The following SIM2 variants were observed in gnomAD, a reference collection of about 807,000 sequenced individuals.
SIM2 encodes the protein SIM bHLH transcription factor 2, also known as single-minded homolog 2.
SIM2 carries 28 observed loss-of-function variants against 64.8 expected under a neutral mutation model. That is an observed-to-expected ratio of 0.43 (90% CI 0.32 to 0.59). The LOEUF (loss-of-function observed/expected upper bound fraction) is 0.59. SIM2 is among the 20% of genes least tolerant of loss of function. SIM2 has a pLI of 0.07. For synonymous variants in SIM2, 408 were observed against 391.1 expected (o/e 1.04, Z -0.51); for missense variants, 847 against 871.4 (o/e 0.97, Z 0.35).
intron 3 of SIM2, among the ~76,000 whole-genome samples, chr21:36,715,020 C>G (rs962417233): frequency 2.0e-5 from 3 of 152,192 alleles, no homozygotes; most frequent in African/African-American, 7.2e-5. Context: ...GTCTCTTTCT[C>G]TCCAGTAGAA....
intron 1 of SIM2, among the ~76,000 whole-genome samples, chr21:36,703,096 C>T (rs907208941): frequency 2.0e-5 from 3 of 152,186 alleles, no homozygotes; most frequent in African/African-American, 7.2e-5. Context: ...CACTGCGGTC[C>T]TGTGGGGCAT....
At position 36,732,102 on chromosome 21, in the gene SIM2, C is replaced by T. The variant is rs376786318; in HGVS notation, c.850+951C>T. Reference sequence around the variant, plus strand: ...TTCACCATGTTGGCCAGGCTGATCTCGAACTCCTGACCTCAGGTGATCCAT... The same window carrying T: ...TTCACCATGTTGGCCAGGCTGATCTTGAACTCCTGACCTCAGGTGATCCAT... On this transcript the variant is annotated intron_variant, in intron 7 of 10. Coordinates refer to ENST00000290399, the MANE Select transcript of SIM2 (RefSeq NM_005069.6). Among the ~76,000 whole-genome samples the T allele has an allele frequency of 3.0e-3, 455 of 152,250 alleles. 3 individuals carry two copies. Among genetic ancestry groups the T allele is most frequent in the African/African-American group, 9.8e-3 (408 of 41,532 alleles).
At chr21:36,718,194 G>T (rs565582794) in intron 3 of SIM2, among the ~76,000 whole-genome samples, 55 of 152,258 alleles carry the variant, frequency 3.6e-4, no homozygotes, top group African/African-American at 1.3e-3. Context: ...AAAGCAACTC[G>T]CTCTTCTTAA....
rs1264505886 is a variant in SIM2, at chr21:36,712,632, GC to G, written c.348+12del. The G allele has an allele frequency of 3.8e-6, 6 of 1,589,196 alleles. No homozygotes were observed. The highest frequency in any genetic ancestry group is 5.2e-6 in the Non-Finnish European group (6 of 1,161,886). On this transcript the variant is annotated intron_variant, in intron 3 of 10. Transcript: ENST00000290399. ...TTTAGGCTTATCCCAGGTGGGTATT[GC>G]CTAATTTTATGTGCAACCAAAATAT...
chr21:36,714,917 T>C (rs1048270453), intron 3 of SIM2, among the ~76,000 whole-genome samples: 1 of 152,222 alleles, frequency 6.6e-6, no homozygotes, highest in African/African-American at 2.4e-5. Context: ...CTCATGATCA[T>C]AATGCAGCAG....
intron 1 of SIM2, among the ~76,000 whole-genome samples, chr21:36,703,863 G>A (rs927820094): frequency 6.6e-6 from 1 of 152,260 alleles, no homozygotes; most frequent in Non-Finnish European, 1.5e-5. Context: ...ACTACAGGCA[G>A]CAGGACGCAG....
intron 7 of SIM2, among the ~76,000 whole-genome samples, chr21:36,736,885 TTTTC>T (rs2089065109): frequency 6.7e-6 from 1 of 149,356 alleles, no homozygotes; most frequent in Non-Finnish European, 1.5e-5. Context: ...TCTTCCTTCC[TTTTC>T]TTTTTCTTTC....
At chr21:36,708,210 G>A (rs2088616120) in intron 1 of SIM2, among the ~76,000 whole-genome samples, 1 of 152,322 alleles carries the variant, frequency 6.6e-6, no homozygotes, top group Admixed American at 6.5e-5. Flanking sequence ...GGGAGGGCTC[G>A]GGGGTTGTCC....
intron 1 of SIM2, among the ~76,000 whole-genome samples, chr21:36,703,340 T>G (rs915753): frequency 6.6e-6 from 1 of 152,048 alleles, no homozygotes; most frequent in Admixed American, 6.5e-5. Flanking sequence ...TACTCGGCCT[T>G]GGTCTCCTTA....
intron 7 of SIM2, among the ~76,000 whole-genome samples, chr21:36,739,464 T>C (rs1364420236): frequency 6.6e-6 from 1 of 152,246 alleles, no homozygotes; most frequent in East Asian, 1.9e-4. Context: ...TTCTTATTAA[T>C]CATCATTTTA....
chr21:36,739,187 C>T (rs1320147815), intron 7 of SIM2, among the ~76,000 whole-genome samples: 2 of 152,230 alleles, frequency 1.3e-5, no homozygotes, highest in Non-Finnish European at 2.9e-5. Context: ...AGCCCTTCAG[C>T]TGTGTCTGCC....
chr21:36,703,009 T>A (rs538066346), intron 1 of SIM2, among the ~76,000 whole-genome samples: 33 of 150,576 alleles, frequency 2.2e-4, no homozygotes, highest in African/African-American at 7.8e-4. Context: ...CCTTCATACC[T>A]GGGGAAATTA....
rs550765585 is a variant in SIM2 at position 36,709,914 on chromosome 21, C to A, written c.258+664C>A. On this transcript the variant is annotated intron_variant, in intron 2 of 10. Transcript: ENST00000290399. ...CGCGATCTCGGCTCACTCCAACCTC[C>A]GCCTCCCGGGTTCAAGCGATTCTCC... The A allele has an allele frequency of 7.6e-4, 123 of 160,786 alleles. 1 individual carries two copies. The highest frequency in any genetic ancestry group is 1.1e-3 in the Non-Finnish European group (81 of 73,718). The allele number at this position is 160,786 out of a possible 1,614,324, so 10.0% of individuals were successfully genotyped here.
At position 36,748,704 on chromosome 21, in the gene SIM2, A is replaced by G. The variant is rs2089273296; in HGVS notation, c.*612A>G. 6.6e-6 allele frequency: 1 copy of G among 152,664 alleles called. No homozygotes were observed. Among genetic ancestry groups the G allele is most frequent in the African/African-American group, 2.4e-5 (1 of 41,468 alleles). 9.5% of individuals were successfully genotyped at this position (152,664 alleles called of 1,614,324 possible). On this transcript the variant is annotated 3_prime_UTR_variant, in exon 11 of 11. Coordinates refer to ENST00000290399, the MANE Select transcript of SIM2 (RefSeq NM_005069.6). ...ACCAAGACTAAGGGGGTGACCATGC[A>G]ATTCCATTTTGTGTCTGTGAACATA...
chr21:36,703,805 G>C (rs181148379), intron 1 of SIM2, among the ~76,000 whole-genome samples: 2 of 152,246 alleles, frequency 1.3e-5, no homozygotes, highest in African/African-American at 2.4e-5. Context: ...AACTGCAAAA[G>C]CGTCCTGGCA....
At chr21:36,735,593 G>C (rs572395269) in intron 7 of SIM2, among the ~76,000 whole-genome samples, 1 of 152,172 alleles carries the variant, frequency 6.6e-6, no homozygotes, top group South Asian at 2.1e-4. Flanking sequence ...TTGGGGACAT[G>C]TGCCCCACTG....
At position 36,700,067 on chromosome 21, in the gene SIM2, C is replaced by T. The variant is rs906099927; in HGVS notation, c.175+146C>T. 61 of 811,082 alleles carry T rather than the reference C, an allele frequency of 7.5e-5. No individual in the cohort carries two copies. The African/African-American group carries it at 1.1e-3, about 14-fold the overall frequency. The allele number at this position is 811,082 out of a possible 1,614,324, so 50.2% of individuals were successfully genotyped here. ...CTGAGGGAGGTTGCGTGAGGGTCTT[C>T]GGCTTCGGCGCTGGCTTGGGGCGAG... On this transcript the variant is annotated intron_variant, in intron 1 of 10. Coordinates refer to ENST00000290399, the MANE Select transcript of SIM2 (RefSeq NM_005069.6).
chr21:36,734,709 T>C (rs1250870921), intron 7 of SIM2, among the ~76,000 whole-genome samples: 1 of 152,164 alleles, frequency 6.6e-6, no homozygotes, highest in African/African-American at 2.4e-5. Context: ...TCAACTGGAA[T>C]GTCACACGCC....
intron 8 of SIM2, 91 bp from the exon 9 acceptor site, chr21:36,743,296 C>A: frequency 1.7e-6 from 2 of 1,148,914 alleles, no homozygotes; most frequent in Non-Finnish European, 2.5e-6. Context: ...CACTGGAGCA[C>A]TGAGAACGCC....
Sources: allele counts gnomAD v4.1 joint callset (sites outside exome capture counted in the v4.1 genomes callset), GRCh38; gene constraint gnomAD v4.1.1; transcripts MANE v1.5; gene names NCBI Gene and HGNC (gene_info 2026-07-23, HGNC 2026-07-21).